SLC35F4: variants seen among roughly 807,000 people sequenced by gnomAD.
SLC35F4 encodes the protein chromosome 14 open reading frame 36.
A neutral mutation model predicts 44.2 loss-of-function variants in SLC35F4; 24 were observed. The ratio of observed to expected loss-of-function variants is 0.54; its 90% CI spans 0.39 to 0.76. SLC35F4 has a LOEUF of 0.76. Ranked by LOEUF, SLC35F4 falls within the 30% of genes least tolerant of loss-of-function variation. The pLI, the probability that SLC35F4 is intolerant of heterozygous loss-of-function variation, is 0.00. For synonymous variants in SLC35F4, 238 were observed against 223.6 expected, an observed-to-expected ratio of 1.06 and a Z score of -0.57; for missense variants, 562 against 586.1, an observed-to-expected ratio of 0.96 and a Z score of 0.42.
At chr14:57,793,849 A>G (rs1394215469) in intron 1 of SLC35F4, among the ~76,000 whole-genome samples, 1 of 152,060 alleles carries the variant, frequency 6.6e-6, no homozygotes, top group Non-Finnish European at 1.5e-5. Flanking sequence ...TGTGTAAACC[A>G]GTGTATAAGC....
intron 1 of SLC35F4, among the ~76,000 whole-genome samples, chr14:57,963,710 TCC>T (rs1158042723): frequency 1.2e-4 from 11 of 94,848 alleles, no homozygotes; most frequent in African/African-American, 3.6e-4. Flanking sequence ...TCATTCTAGC[TCC>T]TTTTTTTTTT....
intron 1 of SLC35F4, among the ~76,000 whole-genome samples, chr14:57,599,758 C>T (rs1011702585): frequency 4.7e-5 from 7 of 147,394 alleles, no homozygotes; most frequent in African/African-American, 7.5e-5. Flanking sequence ...GCTAAGATCA[C>T]GCCATTGCAC....
At chr14:57,639,324 G>A (rs2073134100) in intron 1 of SLC35F4, among the ~76,000 whole-genome samples, 1 of 151,898 alleles carries the variant, frequency 6.6e-6, no homozygotes, top group South Asian at 2.1e-4. Flanking sequence ...CTTCTTTTGT[G>A]AAACCATTTT....
intron 1 of SLC35F4, among the ~76,000 whole-genome samples, chr14:57,969,132 G>T (rs765848158): frequency 6.6e-6 from 1 of 152,216 alleles, no homozygotes. Flanking sequence ...TACTGGGCTG[G>T]TTAGCAGCAG....
chr14:57,872,287 G>C (rs1270344977), intron 1 of SLC35F4, among the ~76,000 whole-genome samples: 1 of 151,366 alleles, frequency 6.6e-6, no homozygotes, highest in Non-Finnish European at 1.5e-5. Context: ...AGTAGAACTT[G>C]CTTTTTAAAT....
intron 1 of SLC35F4, among the ~76,000 whole-genome samples, chr14:57,832,547 T>C (rs1033102558): frequency 1.4e-4 from 21 of 152,216 alleles, no homozygotes. Context: ...GACATGTTAA[T>C]TTGCTTTATG....
intron 1 of SLC35F4, among the ~76,000 whole-genome samples, chr14:57,779,152 G>A (rs1047630775): frequency 3.3e-5 from 5 of 152,010 alleles, no homozygotes; most frequent in Non-Finnish European, 7.4e-5. Context: ...CTGAAGTGAA[G>A]GAGATTGGGA....
At chr14:57,846,751 T>C (rs1886058671) in intron 1 of SLC35F4, among the ~76,000 whole-genome samples, 1 of 152,234 alleles carries the variant, frequency 6.6e-6, no homozygotes, top group Non-Finnish European at 1.5e-5. Flanking sequence ...ACAGTGACGT[T>C]ATCCCATGCT....
chr14:57,856,034 G>C (rs1267739437), intron 1 of SLC35F4, among the ~76,000 whole-genome samples: 1 of 151,852 alleles, frequency 6.6e-6, no homozygotes, highest in African/African-American at 2.4e-5. Context: ...CACTGTCGGG[G>C]GTTGCTGTGT....
At chr14:57,936,057 C>T (rs1389863671) in intron 1 of SLC35F4, among the ~76,000 whole-genome samples, 1 of 152,184 alleles carries the variant, frequency 6.6e-6, no homozygotes, top group Non-Finnish European at 1.5e-5. Flanking sequence ...ACGCTGAATA[C>T]AGACCTCAAT....
chr14:57,705,044 T>C (rs1392430480), intron 1 of SLC35F4, among the ~76,000 whole-genome samples: 1 of 152,158 alleles, frequency 6.6e-6, no homozygotes, highest in African/African-American at 2.4e-5. Context: ...GAATAATGTA[T>C]AGTTCTGCAT....
intron 1 of SLC35F4, among the ~76,000 whole-genome samples, chr14:57,718,195 A>T (rs556176036): frequency 5.3e-5 from 8 of 152,308 alleles, no homozygotes; most frequent in African/African-American, 1.9e-4. Flanking sequence ...TTATAGCTCA[A>T]TAGTACTCTA....
intron 1 of SLC35F4, among the ~76,000 whole-genome samples, chr14:57,667,040 G>C (rs2074333956): frequency 6.6e-6 from 1 of 151,514 alleles, no homozygotes; most frequent in Middle Eastern, 3.4e-3. Context: ...AGGTACATGT[G>C]ACTTTTGAGT....
At chr14:57,778,031 G>C (rs908752795) in intron 1 of SLC35F4, among the ~76,000 whole-genome samples, 2 of 152,190 alleles carry the variant, frequency 1.3e-5, no homozygotes, top group African/African-American at 4.8e-5. Context: ...GGAAGAACCT[G>C]GTGGGAGGTG....
chr14:57,734,473 C>A (rs549736885), intron 1 of SLC35F4, among the ~76,000 whole-genome samples: 2 of 152,128 alleles, frequency 1.3e-5, no homozygotes, highest in African/African-American at 2.4e-5. Flanking sequence ...AATTTTCAAT[C>A]TCTCTCTCAT....
intron 1 of SLC35F4, among the ~76,000 whole-genome samples, chr14:57,898,010 C>A (rs1387428077): frequency 1.3e-5 from 2 of 152,140 alleles, no homozygotes; most frequent in Non-Finnish European, 2.9e-5. Context: ...CTTCAGGTAG[C>A]AATGAAACTG....
chr14:57,694,836 T>A (rs78760148), intron 1 of SLC35F4, among the ~76,000 whole-genome samples: 22,549 of 152,174 alleles, frequency 0.15, 1,887 homozygotes, highest in East Asian at 0.29. Context: ...TTCTGTTTAT[T>A]GCTGATTTAG....
At chr14:57,820,543 T>A (rs1353469324) in intron 1 of SLC35F4, among the ~76,000 whole-genome samples, 3 of 152,206 alleles carry the variant, frequency 2.0e-5, no homozygotes, top group Non-Finnish European at 4.4e-5. Context: ...TCTCAGTAAT[T>A]AATGTTTTCT....
At chr14:57,727,004 C>G (rs4898946) in intron 1 of SLC35F4, among the ~76,000 whole-genome samples, 1 of 151,872 alleles carries the variant, frequency 6.6e-6, no homozygotes, top group East Asian at 1.9e-4. Flanking sequence ...CCTCAAACAT[C>G]GGACTCCAAG....
Sources: gnomAD v4.1 joint callset for allele counts (sites outside exome capture counted in the v4.1 genomes callset) on GRCh38, gnomAD v4.1.1 for gene constraint, MANE v1.5 for transcripts, NCBI Gene and HGNC (gene_info 2026-07-23, HGNC 2026-07-21) for gene names.